Variants in UXS1 observed in about 807,000 individuals in gnomAD.
UXS1 encodes the protein UDP-glucuronic acid decarboxylase 1.
In UXS1, 33 loss-of-function variants were observed where a neutral mutation model predicts 62.6. The ratio of observed to expected loss-of-function variants is 0.53; its 90% CI spans 0.40 to 0.70. The LOEUF (loss-of-function observed/expected upper bound fraction) is 0.70, where lower values mean the gene tolerates loss of function less well. UXS1 is among the 30% of genes least tolerant of loss of function. The pLI, the probability that UXS1 is intolerant of heterozygous loss-of-function variation, is 0.00. For synonymous variants in UXS1, 213 were observed against 206.8 expected, an observed-to-expected ratio of 1.03 and a Z score of -0.26; for missense variants, 434 against 556.3, an observed-to-expected ratio of 0.78 and a Z score of 2.21.
At position 106,093,614 on chromosome 2, in the gene UXS1, T is replaced by C. The variant is rs1676837903; in HGVS notation, c.*412A>G. The C allele has an allele frequency of 6.4e-6, 1 of 156,408 alleles. No individual in the cohort carries two copies. Among genetic ancestry groups the C allele is most frequent in the African/African-American group, 2.4e-5 (1 of 41,636 alleles). 9.7% of individuals were successfully genotyped at this position (156,408 alleles called of 1,614,324 possible). ...ACAATACTGCTAGGATTTTTCTTTA[T>C]GCATAGTATAACGACTCATTTATTA... On this transcript the variant is annotated 3_prime_UTR_variant, in exon 15 of 15. Transcript: ENST00000283148.
intron 6 of UXS1, among the ~76,000 whole-genome samples, chr2:106,130,827 G>C (rs1160407238): frequency 6.6e-6 from 1 of 152,158 alleles, no homozygotes; most frequent in Admixed American, 6.5e-5. Flanking sequence ...CCTGAAGCAG[G>C]CTGGGAGACT....
intron 5 of UXS1, among the ~76,000 whole-genome samples, chr2:106,153,660 A>G (rs2105025266): frequency 6.6e-6 from 1 of 152,350 alleles, no homozygotes; most frequent in Non-Finnish European, 1.5e-5. Flanking sequence ...CAAGACATGC[A>G]AAGAAACAGA....
At chr2:106,112,594 C>G in intron 10 of UXS1, 52 bp downstream of exon 10, 1 of 1,601,944 alleles carries the variant, frequency 6.2e-7, no homozygotes, top group South Asian at 1.1e-5. Flanking sequence ...CCTTTGTGAG[C>G]TGACTTCGAT....
chr2:106,131,048 C>T (rs1326959849), intron 6 of UXS1, among the ~76,000 whole-genome samples: 5 of 150,472 alleles, frequency 3.3e-5, no homozygotes, highest in East Asian at 2.0e-4. Context: ...AGTGTGTGCG[C>T]GCACCGTGCG....
chr2:106,170,090 C>T (rs1244936368), intron 1 of UXS1, among the ~76,000 whole-genome samples: 1 of 152,164 alleles, frequency 6.6e-6, no homozygotes, highest in Non-Finnish European at 1.5e-5. Context: ...GCAAAGGAGG[C>T]TTCATGAATC....
At chr2:106,169,004 A>T (rs956961083) in intron 1 of UXS1, among the ~76,000 whole-genome samples, 1 of 152,178 alleles carries the variant, frequency 6.6e-6, no homozygotes, top group Non-Finnish European at 1.5e-5. Context: ...AGTTACTTTT[A>T]AAAAAGGAGG....
At chr2:106,138,821 C>G (rs1680866593) in intron 6 of UXS1, 2 of 985,342 alleles carry the variant, frequency 2.0e-6, no homozygotes, top group Non-Finnish European at 1.2e-6. Context: ...TCCCACCACC[C>G]CCCTCTCCTT....
intron 1 of UXS1, among the ~76,000 whole-genome samples, chr2:106,190,603 C>T (rs554808135): frequency 6.6e-6 from 1 of 152,020 alleles, no homozygotes; most frequent in East Asian, 1.9e-4. Flanking sequence ...ATTAGCCGGG[C>T]GTGGTGGCGC....
intron 5 of UXS1, among the ~76,000 whole-genome samples, chr2:106,150,385 G>A (rs1384156641): frequency 6.6e-6 from 1 of 152,210 alleles, no homozygotes; most frequent in Non-Finnish European, 1.5e-5. Flanking sequence ...GAATGACCCT[G>A]AAGGCATTTC....
intron 1 of UXS1, among the ~76,000 whole-genome samples, chr2:106,187,841 C>G (rs550592105): frequency 6.6e-6 from 1 of 151,696 alleles, no homozygotes; most frequent in Non-Finnish European, 1.5e-5. Flanking sequence ...TCCGGGTTCA[C>G]GAGATTCTCC....
At chr2:106,186,455 T>TACACACAC (rs146886217) in intron 1 of UXS1, among the ~76,000 whole-genome samples, 77,496 of 140,904 alleles carry the variant, frequency 0.55, 20,493 homozygotes, top group Middle Eastern at 0.61. Flanking sequence ...TATATATATA[T>TACACACAC]ATACACACAC....
Position 106,096,824 on chromosome 2 carries a change from G to C in UXS1, c.1043-3C>G, listed in dbSNP as rs771537960. 6.3e-7 allele frequency: 1 copy of C among 1,576,174 alleles called. No homozygotes were observed. The highest frequency in any genetic ancestry group is 8.6e-7 in the Non-Finnish European group (1 of 1,158,992). Reference sequence around the variant, plus strand: ...AAACTGAATTTCACTTCCGCTACCTGAGATGTTTAAAGAAAAAAAAGGTAG... The same window carrying C: ...AAACTGAATTTCACTTCCGCTACCTCAGATGTTTAAAGAAAAAAAAGGTAG... On this transcript the variant is annotated splice_region_variant and splice_polypyrimidine_tract_variant and intron_variant, in intron 13 of 14. Transcript: ENST00000283148.
At chr2:106,115,581 C>A (rs1298100836) in intron 9 of UXS1, among the ~76,000 whole-genome samples, 1 of 152,224 alleles carries the variant, frequency 6.6e-6, no homozygotes, top group Non-Finnish European at 1.5e-5. Context: ...GCTGCACCAA[C>A]ATAGAACCAA....
At chr2:106,191,488 G>C (rs769583083) in intron 1 of UXS1, among the ~76,000 whole-genome samples, 4 of 152,190 alleles carry the variant, frequency 2.6e-5, no homozygotes, top group African/African-American at 4.8e-5. Flanking sequence ...CTCAGACTTA[G>C]CATACCTGCT....
At chr2:106,180,693 A>G (rs908024471) in intron 1 of UXS1, among the ~76,000 whole-genome samples, 3 of 152,234 alleles carry the variant, frequency 2.0e-5, no homozygotes, top group Non-Finnish European at 4.4e-5. Flanking sequence ...TTCATCTGAA[A>G]TACCAGAGGA....
At chr2:106,158,965 C>T (rs976020609) in intron 4 of UXS1, among the ~76,000 whole-genome samples, 3 of 152,282 alleles carry the variant, frequency 2.0e-5, no homozygotes, top group Admixed American at 2.0e-4. Context: ...TGCCTGAAGA[C>T]AGTTTAGACA....
chr2:106,138,034 T>A (rs1301251899), intron 6 of UXS1: 7 of 316,770 alleles, frequency 2.2e-5, no homozygotes, highest in Non-Finnish European at 3.2e-5. Flanking sequence ...AAATTATTCA[T>A]CATTATCTTT....
chr2:106,113,496 G>C (rs1224202471), intron 9 of UXS1, among the ~76,000 whole-genome samples: 1 of 151,950 alleles, frequency 6.6e-6, no homozygotes, highest in African/African-American at 2.4e-5. Context: ...TATTACTTTT[G>C]TAATCCAGAA....
chr2:106,187,643 G>A (rs1435839895), intron 1 of UXS1, among the ~76,000 whole-genome samples: 2 of 151,800 alleles, frequency 1.3e-5, no homozygotes, highest in African/African-American at 4.8e-5. Flanking sequence ...TGACAGGAAA[G>A]AAAGGTACCA....
Sources: allele counts gnomAD v4.1 joint callset (sites outside exome capture counted in the v4.1 genomes callset), GRCh38; gene constraint gnomAD v4.1.1; transcripts MANE v1.5; gene names NCBI Gene and HGNC (gene_info 2026-07-23, HGNC 2026-07-21).